The following C1orf105 variants were observed in gnomAD, a reference collection of about 807,000 sequenced individuals.
C1orf105 encodes chromosome 1 open reading frame 105.
Under a neutral mutation model 20.8 loss-of-function variants are expected in C1orf105, and 17 were observed. That is an observed-to-expected ratio of 0.82 (90% CI 0.56 to 1.23). C1orf105 has a LOEUF of 1.23. Among genes scored for constraint, C1orf105 ranks in the 50% most tolerant of loss-of-function variants. The pLI, the probability that C1orf105 is intolerant of heterozygous loss-of-function variation, is 0.00. For synonymous variants in C1orf105, 72 were observed against 72.1 expected (o/e 1.00, Z 0.01); for missense variants, 219 against 213.5 (o/e 1.03, Z -0.16).
chr1:172,420,997 A>AG, intron 1 of C1orf105, 91 bp downstream of exon 1: 2 of 1,202,282 alleles, frequency 1.7e-6, no homozygotes, highest in Non-Finnish European at 2.4e-6. Context: ...ATAAACATTG[A>AG]GGGGTGTTTC....
chr1:172,434,774 CAT>C (rs2071983322), intron 1 of C1orf105, among the ~76,000 whole-genome samples: 1 of 152,138 alleles, frequency 6.6e-6, no homozygotes. Flanking sequence ...GAGATAGAGA[CAT>C]AAAAAACCCT....
Position 172,427,284 on chromosome 1 carries a change from A to C in C1orf105, c.21+6378A>C, listed in dbSNP as rs370275544. On this transcript the variant is annotated intron_variant, in intron 1 of 6. Transcript: ENST00000367727. ...GTCTTCTCACTTGTTCCCATAGATC[A>C]ACCATCCCTGCCCTTGTCGAAAGCC... Among the ~76,000 whole-genome samples, 404 of 152,270 alleles carry C rather than the reference A, an allele frequency of 2.7e-3. 1 individual carries two copies. The highest frequency in any genetic ancestry group is 9.1e-3 in the African/African-American group (380 of 41,534).
chr1:172,441,036 T>C (rs867848828), intron 1 of C1orf105, among the ~76,000 whole-genome samples: 3 of 152,198 alleles, frequency 2.0e-5, no homozygotes, highest in Non-Finnish European at 4.4e-5. Flanking sequence ...TCTTGCCTAT[T>C]TAAGTCTCCC....
intron 1 of C1orf105, among the ~76,000 whole-genome samples, chr1:172,429,736 C>T (rs1264909518): frequency 1.3e-5 from 2 of 152,170 alleles, no homozygotes; most frequent in Non-Finnish European, 2.9e-5. Context: ...ACAATCTCCA[C>T]ACAGAACACC....
intron 2 of C1orf105, among the ~76,000 whole-genome samples, chr1:172,445,431 CA>C (rs1158381893): frequency 2.0e-5 from 3 of 152,198 alleles, no homozygotes; most frequent in Non-Finnish European, 4.4e-5. Flanking sequence ...CACTGTCTCT[CA>C]AAACACTTCC....
At chr1:172,463,594 A>G (rs2149193625) in intron 5 of C1orf105, among the ~76,000 whole-genome samples, 1 of 152,340 alleles carries the variant, frequency 6.6e-6, no homozygotes, top group African/African-American at 2.4e-5. Context: ...GTAAATATTC[A>G]TTATGAACTT....
chr1:172,459,770 T>C (rs1420315164), intron 4 of C1orf105, among the ~76,000 whole-genome samples: 1 of 152,146 alleles, frequency 6.6e-6, no homozygotes, highest in Non-Finnish European at 1.5e-5. Flanking sequence ...AGCAGCCATA[T>C]CTTAATAGCT....
At chr1:172,440,765 C>T (rs543753623) in intron 1 of C1orf105, among the ~76,000 whole-genome samples, 45 of 152,096 alleles carry the variant, frequency 3.0e-4, no homozygotes, top group Non-Finnish European at 4.0e-4. Flanking sequence ...TGTTTTTAGA[C>T]GGATTAATTT....
chr1:172,441,948 G>A (rs760006531), intron 1 of C1orf105: 2 of 1,614,176 alleles, frequency 1.2e-6, no homozygotes, highest in Non-Finnish European at 1.7e-6. Context: ...CATAGCTCCG[G>A]GGAGTACATG....
intron 4 of C1orf105, 82 bp from the exon 5 acceptor site, chr1:172,462,096 C>A: frequency 9.5e-7 from 1 of 1,057,436 alleles, no homozygotes; most frequent in African/African-American, 1.6e-5. Context: ...AAATACAACA[C>A]AAATTCACTA....
At chr1:172,428,456 C>T (rs1157065464) in intron 1 of C1orf105, among the ~76,000 whole-genome samples, 2 of 152,232 alleles carry the variant, frequency 1.3e-5, no homozygotes, top group Non-Finnish European at 2.9e-5. Context: ...ACTTCGTCTT[C>T]TGTTGCTCAC....
intron 1 of C1orf105, among the ~76,000 whole-genome samples, chr1:172,421,825 GA>G (rs1252776590): frequency 6.6e-6 from 1 of 151,008 alleles, no homozygotes; most frequent in Non-Finnish European, 1.5e-5. Flanking sequence ...ACATAGTGTG[GA>G]GAGAGAATCT....
intron 6 of C1orf105, among the ~76,000 whole-genome samples, chr1:172,466,215 A>G (rs887652334): frequency 1.3e-5 from 2 of 152,182 alleles, no homozygotes; most frequent in Non-Finnish European, 2.9e-5. Flanking sequence ...GGATGCCAAA[A>G]GGGAGGACCA....
chr1:172,442,670 A>G lies in C1orf105; in HGVS notation c.22-2403A>G, dbSNP rs145178516. On this transcript the variant is annotated intron_variant, in intron 1 of 6. Coordinates refer to ENST00000367727, the MANE Select transcript of C1orf105 (RefSeq NM_139240.4). ...CCAGTTTAATCATCGCCCTCACAGAAGTCCAGGTGGTTCTTGTTCTTTATG... is the reference window on the plus strand; with the variant it reads ...CCAGTTTAATCATCGCCCTCACAGAGGTCCAGGTGGTTCTTGTTCTTTATG... 30 of 1,505,174 alleles carry G rather than the reference A, an allele frequency of 2.0e-5. No individual in the cohort carries two copies. The East Asian group carries it at 6.1e-4, about 31-fold the overall frequency. The allele number at this position is 1,505,174 out of a possible 1,614,324, so 93.2% of individuals were successfully genotyped here. A position where few individuals can be genotyped will look rare whatever the true frequency, so the allele number is the denominator to read the frequency against.
chr1:172,439,010 CTT>C (rs2149166512), intron 1 of C1orf105, among the ~76,000 whole-genome samples: 1 of 152,300 alleles, frequency 6.6e-6, no homozygotes, highest in African/African-American at 2.4e-5. Context: ...ACTTTATAGA[CTT>C]TATTATAATG....
chr1:172,447,582 C>CA (rs1281535479), intron 2 of C1orf105, among the ~76,000 whole-genome samples: 1 of 152,236 alleles, frequency 6.6e-6, no homozygotes, highest in Non-Finnish European at 1.5e-5. Context: ...ACCCCGAGGG[C>CA]ACTCATGTCA....
chr1:172,456,845 A>G (rs1649307308), intron 4 of C1orf105, among the ~76,000 whole-genome samples: 1 of 152,000 alleles, frequency 6.6e-6, no homozygotes, highest in African/African-American at 2.4e-5. Flanking sequence ...GCTCACACTC[A>G]TTTCTCCACC....
chr1:172,444,378 G>C, intron 1 of C1orf105: 1 of 864,914 alleles, frequency 1.2e-6, no homozygotes, highest in Middle Eastern at 6.0e-4. Flanking sequence ...CAGGCCCTCA[G>C]CTGGGACTTC....
intron 1 of C1orf105, among the ~76,000 whole-genome samples, chr1:172,440,749 C>T (rs1050088027): frequency 2.0e-5 from 3 of 152,144 alleles, no homozygotes; most frequent in Admixed American, 6.5e-5. Flanking sequence ...ATGTTGCCTG[C>T]AAATGTGTTT....
Sources: allele counts gnomAD v4.1 joint callset (sites outside exome capture counted in the v4.1 genomes callset), GRCh38; gene constraint gnomAD v4.1.1; transcripts MANE v1.5; gene names NCBI Gene and HGNC (gene_info 2026-07-23, HGNC 2026-07-21).